INPP4B: variants seen among roughly 807,000 people sequenced by gnomAD.
INPP4B encodes the protein inositol polyphosphate-4-phosphatase type II B.
In INPP4B, 55 loss-of-function variants were observed where a neutral mutation model predicts 122.5. That is an observed-to-expected ratio of 0.45 (90% CI 0.36 to 0.56). INPP4B has a LOEUF of 0.56. Ranked by LOEUF, INPP4B falls within the 20% of genes least tolerant of loss-of-function variation. INPP4B has a pLI of 0.00. For synonymous variants in INPP4B, 403 were observed against 388.7 expected, an observed-to-expected ratio of 1.04 and a Z score of -0.43; for missense variants, 1,000 against 1,097.7, an observed-to-expected ratio of 0.91 and a Z score of 1.26.
intron 25 of INPP4B, among the ~76,000 whole-genome samples, chr4:142,032,091 AT>A (rs1740586617): frequency 6.6e-6 from 1 of 152,218 alleles, no homozygotes; most frequent in Non-Finnish European, 1.5e-5. Flanking sequence ...CAGATTGAAG[AT>A]AGAAAGGGAA....
At chr4:142,255,768 C>T (rs1297733523) in intron 11 of INPP4B, among the ~76,000 whole-genome samples, 1 of 152,008 alleles carries the variant, frequency 6.6e-6, no homozygotes, top group Non-Finnish European at 1.5e-5. Flanking sequence ...GACTTTAACT[C>T]CCCACTGTCA....
At chr4:142,343,155 T>A (rs1779215522) in intron 7 of INPP4B, among the ~76,000 whole-genome samples, 1 of 152,168 alleles carries the variant, frequency 6.6e-6, no homozygotes, top group Admixed American at 6.5e-5. Context: ...ATTTCATTTA[T>A]GTGCTGTCAA....
chr4:142,469,997 A>G (rs1281841741), intron 2 of INPP4B, among the ~76,000 whole-genome samples: 2 of 152,132 alleles, frequency 1.3e-5, no homozygotes, highest in Admixed American at 1.3e-4. Context: ...ACAGGGATAT[A>G]AATTCCAGAT....
At chr4:142,316,109 TTA>T (rs1666927681) in intron 7 of INPP4B, among the ~76,000 whole-genome samples, 2 of 152,172 alleles carry the variant, frequency 1.3e-5, no homozygotes, top group African/African-American at 2.4e-5. Flanking sequence ...TTTTATTTCT[TTA>T]TGACAGATCC....
intron 7 of INPP4B, among the ~76,000 whole-genome samples, chr4:142,387,333 G>A (rs1331442777): frequency 1.3e-5 from 2 of 151,948 alleles, no homozygotes; most frequent in Non-Finnish European, 2.9e-5. Flanking sequence ...ATAAAAATGG[G>A]GTCCTTAATT....
intron 2 of INPP4B, among the ~76,000 whole-genome samples, chr4:142,603,903 AACACAC>A (rs3078719): frequency 2.0e-5 from 3 of 149,112 alleles, no homozygotes; most frequent in South Asian, 2.1e-4. Flanking sequence ...ACCAGACAAG[AACACAC>A]ACACACACAC....
At chr4:142,362,559 TAG>T (rs1245486292) in intron 7 of INPP4B, among the ~76,000 whole-genome samples, 3 of 151,904 alleles carry the variant, frequency 2.0e-5, no homozygotes, top group Admixed American at 1.3e-4. Context: ...GGTAAGAACT[TAG>T]ATGATTGGCT....
At chr4:142,789,161 T>G (rs1776182878) in intron 1 of INPP4B, among the ~76,000 whole-genome samples, 1 of 152,066 alleles carries the variant, frequency 6.6e-6, no homozygotes, top group Non-Finnish European at 1.5e-5. Context: ...GCATTCCCTC[T>G]GAGAACTGGA....
At chr4:142,475,810 G>T (rs1819698457) in intron 2 of INPP4B, among the ~76,000 whole-genome samples, 1 of 152,094 alleles carries the variant, frequency 6.6e-6, no homozygotes, top group Non-Finnish European at 1.5e-5. Context: ...AACCAACAGA[G>T]AAGAAAGAAT....
intron 1 of INPP4B, among the ~76,000 whole-genome samples, chr4:142,736,705 C>G (rs1163405635): frequency 6.6e-6 from 1 of 152,102 alleles, no homozygotes; most frequent in Non-Finnish European, 1.5e-5. Context: ...TGGGCTGAGA[C>G]GATGCGGTTT....
chr4:142,375,768 C>T (rs968055977), intron 7 of INPP4B, among the ~76,000 whole-genome samples: 5 of 151,854 alleles, frequency 3.3e-5, no homozygotes, highest in Admixed American at 2.6e-4. Flanking sequence ...AGCATGTGAA[C>T]TAAAGGTCAA....
At position 142,621,056 on chromosome 4, in the gene INPP4B, C is replaced by A. The variant is rs543644855; in HGVS notation, c.-191+104783G>T. ...AATCTAGTGTATCTGGATTTTCATA[C>A]TATAATGTCTTAGTTATATCCAGTA... On this transcript the variant is annotated intron_variant, in intron 2 of 25. Transcript: ENST00000262992. 4.6e-5 allele frequency among the ~76,000 whole-genome samples: 7 copies of A among 151,702 alleles called. No individual in the cohort carries two copies. In the South Asian group the frequency reaches 1.5e-3, roughly 32 times the overall value.
At chr4:142,040,205 G>A (rs1031204704) in intron 25 of INPP4B, among the ~76,000 whole-genome samples, 1 of 152,120 alleles carries the variant, frequency 6.6e-6, no homozygotes, top group Non-Finnish European at 1.5e-5. Context: ...GTTTGTCCAG[G>A]AGGGTGAAGC....
chr4:142,163,778 G>C (rs919516698), intron 16 of INPP4B, among the ~76,000 whole-genome samples: 1 of 151,752 alleles, frequency 6.6e-6, no homozygotes, highest in African/African-American at 2.4e-5. Flanking sequence ...TTGTATTGCT[G>C]TTCTTGCAAC....
intron 10 of INPP4B, among the ~76,000 whole-genome samples, chr4:142,267,484 A>AG (rs1743384017): frequency 1.3e-5 from 2 of 152,220 alleles, no homozygotes; most frequent in Admixed American, 6.5e-5. Context: ...TCTTTAACAA[A>AG]TTGTGTTTGG....
At chr4:142,703,272 T>C (rs1762045500) in intron 2 of INPP4B, among the ~76,000 whole-genome samples, 1 of 152,242 alleles carries the variant, frequency 6.6e-6, no homozygotes. Flanking sequence ...ATAACAAGTA[T>C]GTATTTGAAA....
At chr4:142,827,345 T>C (rs1170757365) in intron 1 of INPP4B, among the ~76,000 whole-genome samples, 1 of 152,196 alleles carries the variant, frequency 6.6e-6, no homozygotes, top group Non-Finnish European at 1.5e-5. Flanking sequence ...TTATTTTATC[T>C]GCTCCACTTG....
In INPP4B at chr4:142,245,984, GTATACATATATATGTGTATGTA is replaced by G. The variant is rs1211427214; in HGVS notation, c.689-7995_689-7974del. Reference sequence around the variant, plus strand: ...TGTATGTATACACACATGTGTGTATGTATACATATATATGTGTATGTATACACACATGTGTGTATGTACACAC... The same window carrying G: ...TGTATGTATACACACATGTGTGTATGTACACACATGTGTGTATGTACACAC... On this transcript the variant is annotated intron_variant, in intron 11 of 25. Transcript: ENST00000262992. 3.3e-3 allele frequency among the ~76,000 whole-genome samples: 435 copies of G among 133,062 alleles called. 72 individuals carry two copies. Among genetic ancestry groups the G allele is most frequent in the African/African-American group, 0.011 (374 of 35,190 alleles). 87.3% of individuals were successfully genotyped at this position (133,062 alleles called of 152,430 possible).
intron 1 of INPP4B, among the ~76,000 whole-genome samples, chr4:142,776,874 A>C (rs190057063): frequency 6.6e-6 from 1 of 152,182 alleles, no homozygotes; most frequent in Non-Finnish European, 1.5e-5. Flanking sequence ...CTAGTGAGCT[A>C]GTCCACACAT....
Sources: gnomAD v4.1 joint callset for allele counts (sites outside exome capture counted in the v4.1 genomes callset) on GRCh38, gnomAD v4.1.1 for gene constraint, MANE v1.5 for transcripts, NCBI Gene and HGNC (gene_info 2026-07-23, HGNC 2026-07-21) for gene names.